The following AFG2A variants were observed in gnomAD, a reference collection of about 807,000 sequenced individuals.
AFG2A encodes ATPase family gene 2 protein homolog A.
the AFG2A span, among the ~76,000 whole-genome samples, chr4:123,224,332 G>T: frequency 6.6e-6 from 1 of 151,956 alleles, no homozygotes; most frequent in Admixed American, 6.6e-5. Flanking sequence ...TTTAATTTAG[G>T]TATATCTCCT....
the AFG2A span, among the ~76,000 whole-genome samples, chr4:123,132,578 A>G: frequency 7.0e-6 from 1 of 143,118 alleles, no homozygotes; most frequent in Non-Finnish European, 1.5e-5. Flanking sequence ...GAATGGACGA[A>G]GAAAACATGA....
At chr4:123,197,977 A>G in the AFG2A span, among the ~76,000 whole-genome samples, 1 of 151,862 alleles carries the variant, frequency 6.6e-6, no homozygotes, top group Non-Finnish European at 1.5e-5. Flanking sequence ...CATTAAGAGC[A>G]TAAGAGAAAC....
chr4:123,028,573 G>T, the AFG2A span, among the ~76,000 whole-genome samples: 1 of 152,020 alleles, frequency 6.6e-6, no homozygotes, highest in Non-Finnish European at 1.5e-5. Flanking sequence ...ATAAATTCGT[G>T]CATGTAATCA....
chr4:122,988,164 G>C, the AFG2A span, among the ~76,000 whole-genome samples: 1 of 151,664 alleles, frequency 6.6e-6, no homozygotes, highest in African/African-American at 2.4e-5. Context: ...GTAGTCTGAT[G>C]ATGGTTTCCT....
chr4:123,115,263 C>T, the AFG2A span, among the ~76,000 whole-genome samples: 55 of 152,158 alleles, frequency 3.6e-4, no homozygotes, highest in East Asian at 6.0e-3. Flanking sequence ...TGGGGCAGAT[C>T]GCGGGCCCCA....
the AFG2A span, among the ~76,000 whole-genome samples, chr4:123,157,212 C>G: frequency 2.6e-5 from 4 of 151,558 alleles, no homozygotes; most frequent in Non-Finnish European, 1.5e-5. Context: ...TAAGTAGAGA[C>G]AGGGTTTCAC....
the AFG2A span, among the ~76,000 whole-genome samples, chr4:123,181,294 A>AT: frequency 6.3e-4 from 93 of 147,128 alleles, no homozygotes; most frequent in African/African-American, 1.2e-3. Flanking sequence ...CTCCTCCTCT[A>AT]TTTTTTTTTT....
chr4:122,926,887 T>C, the AFG2A span, among the ~76,000 whole-genome samples: 1 of 152,204 alleles, frequency 6.6e-6, no homozygotes, highest in Non-Finnish European at 1.5e-5. Context: ...CAATTCCTGC[T>C]TCAAAGCAGT....
chr4:123,199,123 C>G, the AFG2A span, among the ~76,000 whole-genome samples: 1 of 152,108 alleles, frequency 6.6e-6, no homozygotes, highest in Non-Finnish European at 1.5e-5. Context: ...AAAGGGCAGA[C>G]TCCTCCACAT....
the AFG2A span, among the ~76,000 whole-genome samples, chr4:123,018,892 A>T: frequency 6.6e-6 from 1 of 151,088 alleles, no homozygotes; most frequent in African/African-American, 2.4e-5. Flanking sequence ...GTGAATTATT[A>T]TCATAGCCAT....
At chr4:123,178,956 G>GAAA in the AFG2A span, among the ~76,000 whole-genome samples, 1 of 152,130 alleles carries the variant, frequency 6.6e-6, no homozygotes, top group Non-Finnish European at 1.5e-5. Flanking sequence ...GTTATTGAAA[G>GAAA]GTACTTGATC....
the AFG2A span, among the ~76,000 whole-genome samples, chr4:122,927,201 C>G: frequency 6.6e-6 from 1 of 152,140 alleles, no homozygotes; most frequent in African/African-American, 2.4e-5. Context: ...AGAAAAAGAT[C>G]TGGTGACCAT....
the AFG2A span, among the ~76,000 whole-genome samples, chr4:123,202,965 G>A: frequency 1.3e-5 from 2 of 152,098 alleles, no homozygotes; most frequent in Non-Finnish European, 2.9e-5. Flanking sequence ...CGAGGCTGCA[G>A]TGAGCCGTGA....
At chr4:123,125,911 A>T in the AFG2A span, among the ~76,000 whole-genome samples, 1 of 151,796 alleles carries the variant, frequency 6.6e-6, no homozygotes, top group African/African-American at 2.4e-5. Flanking sequence ...TTGCCTCTTG[A>T]CTCGTTTCTC....
the AFG2A span, among the ~76,000 whole-genome samples, chr4:123,059,117 C>CT: frequency 1.1e-3 from 130 of 114,244 alleles, no homozygotes; most frequent in African/African-American, 2.9e-3. Flanking sequence ...GCAGTCAAAT[C>CT]TTTTTTTTTT....
chr4:123,245,796 A>G, the AFG2A span, among the ~76,000 whole-genome samples: 1 of 152,214 alleles, frequency 6.6e-6, no homozygotes, highest in Non-Finnish European at 1.5e-5. Context: ...TAATACAAAT[A>G]TACGCTAACA....
the AFG2A span, chr4:122,979,507 G>A: frequency 5.3e-6 from 6 of 1,139,462 alleles, no homozygotes; most frequent in East Asian, 1.5e-4. Context: ...TTAATTGAAA[G>A]TTTTATTGAG....
the AFG2A span, chr4:123,090,815 A>G: frequency 7.0e-7 from 1 of 1,438,164 alleles, no homozygotes. Context: ...CATTTAGAGG[A>G]TATTGAAGAA....
At chr4:122,970,607 A>G in the AFG2A span, among the ~76,000 whole-genome samples, 1 of 151,402 alleles carries the variant, frequency 6.6e-6, no homozygotes, top group Non-Finnish European at 1.5e-5. Context: ...TACAAATACC[A>G]TTGTGTTACG....
Sources: allele counts gnomAD v4.1 joint callset (sites outside exome capture counted in the v4.1 genomes callset), GRCh38; gene constraint gnomAD v4.1.1; transcripts MANE v1.5; gene names NCBI Gene and HGNC (gene_info 2026-07-23, HGNC 2026-07-21).